Variants in PAH observed in about 807,000 individuals in gnomAD.
The protein encoded by PAH is phenylalanine hydroxylase, also known as phenylalanine-4-hydroxylase.
PAH carries 64 observed loss-of-function variants against 62.0 expected under a neutral mutation model. The ratio of observed to expected loss-of-function variants is 1.03; its 90% CI spans 0.84 to 1.27. The LOEUF is 1.27. Among genes scored for constraint, PAH ranks in the 50% most tolerant of loss-of-function variants. The pLI, the probability that PAH is intolerant of heterozygous loss-of-function variation, is 0.00. For synonymous variants in PAH, 195 were observed against 196.2 expected, an observed-to-expected ratio of 0.99 and a Z score of 0.05; for missense variants, 579 against 542.8, an observed-to-expected ratio of 1.07 and a Z score of -0.66.
intron 4 of PAH, 52 bp downstream of exon 4, chr12:102,877,410 G>T: frequency 8.5e-7 from 1 of 1,182,398 alleles, no homozygotes; most frequent in Non-Finnish European, 1.3e-6. Flanking sequence ...GGAAGGGAGG[G>T]GAGTGGAGGA....
intron 2 of PAH, among the ~76,000 whole-genome samples, chr12:102,912,448 CAT>C (rs1172896663): frequency 6.6e-6 from 1 of 152,004 alleles, no homozygotes; most frequent in African/African-American, 2.4e-5. Flanking sequence ...CATGTGATTA[CAT>C]GTTATGTGAA....
intron 4 of PAH, among the ~76,000 whole-genome samples, chr12:102,875,247 C>A (rs902106207): frequency 5.3e-5 from 8 of 152,148 alleles, no homozygotes; most frequent in African/African-American, 1.7e-4. Context: ...CTTTTAAAAA[C>A]CAATGCATTC....
chr12:102,954,321 C>T (rs1334085272), upstream of PAH, among the ~76,000 whole-genome samples: 1 of 152,230 alleles, frequency 6.6e-6, no homozygotes, highest in African/African-American at 2.4e-5. Context: ...CAGAGTGGCA[C>T]TGGATCTCCA....
intron 3 of PAH, among the ~76,000 whole-genome samples, chr12:102,894,012 G>A (rs1427300728): frequency 2.0e-5 from 3 of 152,166 alleles, no homozygotes; most frequent in Admixed American, 6.5e-5. Flanking sequence ...AAGGAGCCAG[G>A]TGTCTCCAGC....
intron 5 of PAH, among the ~76,000 whole-genome samples, chr12:102,855,564 A>G (rs976956751): frequency 6.6e-6 from 1 of 152,176 alleles, no homozygotes; most frequent in African/African-American, 2.4e-5. Flanking sequence ...ACAGGCTACA[A>G]TGAGGATTTG....
intron 1 of PAH, among the ~76,000 whole-genome samples, chr12:102,940,674 T>G (rs1178233447): frequency 6.6e-6 from 1 of 152,192 alleles, no homozygotes; most frequent in Non-Finnish European, 1.5e-5. Context: ...TGGGATTATG[T>G]AAACAGACCT....
At chr12:102,844,735 A>T (rs75790483) in intron 9 of PAH, among the ~76,000 whole-genome samples, 4,261 of 152,260 alleles carry the variant, frequency 0.028, 93 homozygotes, top group South Asian at 0.048. Flanking sequence ...TCCTACCCTT[A>T]GACATCAGAA....
chr12:102,952,094 C>G (rs949920298), upstream of PAH, among the ~76,000 whole-genome samples: 1 of 152,092 alleles, frequency 6.6e-6, no homozygotes, highest in African/African-American at 2.4e-5. Flanking sequence ...AGCAAAGAAG[C>G]CGTACAACAA....
chr12:102,851,833 A>C, intron 7 of PAH, 77 bp from the exon 8 acceptor site: 1 of 1,038,710 alleles, frequency 9.6e-7, no homozygotes, highest in Non-Finnish European at 1.5e-6. Flanking sequence ...CTACATGAGG[A>C]ATGGGCAGAA....
chr12:102,904,134 G>C (rs144940766), intron 2 of PAH, among the ~76,000 whole-genome samples: 1 of 152,302 alleles, frequency 6.6e-6, no homozygotes, highest in African/African-American at 2.4e-5. Flanking sequence ...CAATTCACTA[G>C]AACTTCTACT....
chr12:102,888,427 C>G (rs112506215), intron 3 of PAH, among the ~76,000 whole-genome samples: 3,545 of 151,518 alleles, frequency 0.023, 67 homozygotes, highest in Middle Eastern at 0.037. Context: ...TAACCTAATG[C>G]GAAAGAATTT....
At chr12:102,942,128 T>G (rs1229849567) in intron 1 of PAH, among the ~76,000 whole-genome samples, 1 of 152,168 alleles carries the variant, frequency 6.6e-6, no homozygotes, top group Non-Finnish European at 1.5e-5. Context: ...GAAGTCAAAC[T>G]ATCTCTCTTC....
intron 4 of PAH, 148 bp from the exon 5 acceptor site, chr12:102,866,811 T>C (rs1215536451): frequency 2.7e-6 from 2 of 728,376 alleles, no homozygotes; most frequent in Non-Finnish European, 2.5e-6. Flanking sequence ...TCGGTTAAAC[T>C]TAGCTCTCCT....
chr12:102,845,577 T>C (rs1053655569), intron 9 of PAH, among the ~76,000 whole-genome samples: 3 of 152,210 alleles, frequency 2.0e-5, no homozygotes, highest in South Asian at 2.1e-4. Context: ...AAAAAGAATA[T>C]TGGGGTTCTG....
intron 1 of PAH, among the ~76,000 whole-genome samples, chr12:102,923,367 G>A (rs1005463308): frequency 2.0e-5 from 3 of 152,320 alleles, no homozygotes; most frequent in South Asian, 2.1e-4. Context: ...AGCATAACAC[G>A]TTAATCACAC....
intron 1 of PAH, among the ~76,000 whole-genome samples, chr12:102,938,238 C>G (rs1266386311): frequency 3.9e-5 from 6 of 152,084 alleles, no homozygotes; most frequent in Non-Finnish European, 8.8e-5. Flanking sequence ...GCAAGAGGCC[C>G]CAGTGACCAC....
chr12:102,941,694 C>T (rs1456366483), intron 1 of PAH, among the ~76,000 whole-genome samples: 1 of 152,050 alleles, frequency 6.6e-6, no homozygotes, highest in East Asian at 1.9e-4. Context: ...GAAAACCACA[C>T]AAAAATAGCA....
chr12:102,870,158 TA>T (rs1451227574), intron 4 of PAH, among the ~76,000 whole-genome samples: 2 of 152,148 alleles, frequency 1.3e-5, no homozygotes, highest in African/African-American at 2.4e-5. Context: ...TGGGTGGGTT[TA>T]GGGGAGAGGG....
upstream of PAH, chr12:102,953,763 A>C (rs1357556445): frequency 6.6e-6 from 1 of 152,214 alleles, no homozygotes; most frequent in Non-Finnish European, 1.5e-5. Context: ...ACTCTGGGTG[A>C]TACTCACCAA....
Sources: allele counts gnomAD v4.1 joint callset (sites outside exome capture counted in the v4.1 genomes callset), GRCh38; gene constraint gnomAD v4.1.1; transcripts MANE v1.5; gene names NCBI Gene and HGNC (gene_info 2026-07-23, HGNC 2026-07-21).